PARD3: variants seen among roughly 807,000 people sequenced by gnomAD.
The protein encoded by PARD3 is partitioning defective 3 homolog.
A neutral mutation model predicts 155.4 loss-of-function variants in PARD3; 75 were observed. That is an observed-to-expected ratio of 0.48 (90% CI 0.40 to 0.58). The LOEUF (loss-of-function observed/expected upper bound fraction) is 0.58, where lower values mean the gene tolerates loss of function less well. Among genes scored for constraint, PARD3 ranks in the 20% least tolerant of loss-of-function variants. The probability of loss-of-function intolerance (pLI) is 0.00; values close to 1 mark genes in which losing one functional copy is unlikely to be tolerated. For synonymous variants in PARD3, 576 were observed against 610.5 expected, an observed-to-expected ratio of 0.94 and a Z score of 0.83; for missense variants, 1,642 against 1,721.7, an observed-to-expected ratio of 0.95 and a Z score of 0.82.
At position 34,450,166 on chromosome 10, in the gene PARD3, TA is replaced by T. The variant is rs138785690; in HGVS notation, c.714+150del. 5.3e-3 allele frequency: 3,476 copies of T among 652,630 alleles called. 89 individuals are homozygous for T. In the African/African-American group the frequency reaches 0.058, roughly 11 times the overall value. 40.4% of individuals were successfully genotyped at this position (652,630 alleles called of 1,614,324 possible). ...AGAAATATCCTGCATTTATGTTAGA[TA>T]AACTCTGACATAGAGATTGGTACTT... On this transcript the variant is annotated intron_variant, in intron 5 of 24. Transcript: ENST00000374788.
chr10:34,813,617 A>G (rs1844494909), intron 1 of PARD3, among the ~76,000 whole-genome samples: 1 of 152,206 alleles, frequency 6.6e-6, no homozygotes, highest in East Asian at 1.9e-4. Context: ...TTAAAAGGCC[A>G]AATTTATGCT....
intron 2 of PARD3, among the ~76,000 whole-genome samples, chr10:34,526,797 G>A (rs118127887): frequency 5.3e-5 from 8 of 152,238 alleles, no homozygotes; most frequent in African/African-American, 4.8e-5. Flanking sequence ...AACTTGTACC[G>A]TTGAGCTCCC....
chr10:34,730,461 TA>T (rs915459539), intron 1 of PARD3, among the ~76,000 whole-genome samples: 8 of 152,094 alleles, frequency 5.3e-5, no homozygotes, highest in African/African-American at 1.9e-4. Context: ...AATCAATTTT[TA>T]AAAAAACAAG....
intron 2 of PARD3, among the ~76,000 whole-genome samples, chr10:34,530,941 G>C (rs190604680): frequency 6.6e-6 from 1 of 152,210 alleles, no homozygotes; most frequent in African/African-American, 2.4e-5. Context: ...TTTAAAAGGC[G>C]ACAGTCCCTT....
chr10:34,158,717 T>C (rs570681692), intron 22 of PARD3, among the ~76,000 whole-genome samples: 1 of 152,374 alleles, frequency 6.6e-6, no homozygotes, highest in Admixed American at 6.5e-5. Context: ...ATATCACTAG[T>C]TACTGTGGTT....
chr10:34,345,734 C>T (rs1029351300), intron 15 of PARD3: 3 of 985,246 alleles, frequency 3.0e-6, no homozygotes, highest in East Asian at 2.3e-4. Flanking sequence ...TTTTTTTGCC[C>T]CATACCTCTC....
Position 34,446,772 on chromosome 10 carries a change from G to A in PARD3, c.714+3545C>T, listed in dbSNP as rs545968285. ...ATTAGGACATTTCCTGTGCCATCAC[G>A]GTGTGCAAGGCAAGCTGTCCCTTTT... On this transcript the variant is annotated intron_variant, in intron 5 of 24. Coordinates refer to ENST00000374788, the MANE Select transcript of PARD3 (RefSeq NM_001184785.2). Among the ~76,000 whole-genome samples the A allele has an allele frequency of 1.1e-4, 16 of 152,096 alleles. No individual in the cohort carries two copies. In the South Asian group the frequency reaches 2.1e-3, roughly 20 times the overall value.
chr10:34,544,753 G>A (rs1037314390), intron 2 of PARD3, among the ~76,000 whole-genome samples: 2 of 152,174 alleles, frequency 1.3e-5, no homozygotes, highest in South Asian at 2.1e-4. Flanking sequence ...AAAAACTACA[G>A]TATCTATGAA....
chr10:34,208,807 T>C (rs1056164181), intron 22 of PARD3, among the ~76,000 whole-genome samples: 1 of 152,164 alleles, frequency 6.6e-6, no homozygotes, highest in Non-Finnish European at 1.5e-5. Context: ...GCATTCTGAG[T>C]TCCTTTCAGA....
chr10:34,487,308 T>G (rs941132923), intron 3 of PARD3, among the ~76,000 whole-genome samples: 1 of 152,178 alleles, frequency 6.6e-6, no homozygotes, highest in Non-Finnish European at 1.5e-5. Context: ...TACTTTCTCA[T>G]CTGTCTGCCT....
rs149090718 is a variant in PARD3 at position 34,319,324 on chromosome 10, T to C, written c.2834-1986A>G. On this transcript the variant is annotated intron_variant, in intron 19 of 24. Transcript: ENST00000374788. ...GGATGGTCTCGATCTCTTGACCTCA[T>C]GATCCACCAGCCTCTCCTCCCAAAG... Among the ~76,000 whole-genome samples the C allele has an allele frequency of 4.7e-4, 71 of 151,480 alleles. 1 individual carries two copies. The East Asian group carries it at 0.013, about 28-fold the overall frequency.
At chr10:34,708,941 C>T (rs1314480774) in intron 1 of PARD3, among the ~76,000 whole-genome samples, 1 of 152,074 alleles carries the variant, frequency 6.6e-6, no homozygotes, top group African/African-American at 2.4e-5. Flanking sequence ...AGGAAACACC[C>T]TTATTCTAAG....
chr10:34,377,963 T>C lies in PARD3; in HGVS notation c.1539+4A>G. 1 of 1,533,616 alleles carries C rather than the reference T, an allele frequency of 6.5e-7. No homozygotes were observed. Among genetic ancestry groups the C allele is most frequent in the African/African-American group, 1.4e-5 (1 of 69,630 alleles). On this transcript the variant is annotated splice_donor_region_variant and intron_variant, in intron 10 of 24. Coordinates refer to ENST00000374788, the MANE Select transcript of PARD3 (RefSeq NM_001184785.2). ...GGGAACATCCTGCTGGGGAAGTCAC[T>C]TACCTCTATAAGTCTGTCTCCTGCC...
intron 12 of PARD3, among the ~76,000 whole-genome samples, chr10:34,368,369 A>C (rs747618445): frequency 3.3e-5 from 5 of 152,142 alleles, no homozygotes; most frequent in Admixed American, 2.6e-4. Context: ...GTCCGTATGG[A>C]CAGGCAAAGA....
At chr10:34,621,306 C>T (rs1254008252) in intron 2 of PARD3, among the ~76,000 whole-genome samples, 1 of 152,062 alleles carries the variant, frequency 6.6e-6, no homozygotes, top group African/African-American at 2.4e-5. Flanking sequence ...AAGTGGCTCT[C>T]GTGTTTCAGC....
chr10:34,181,181 A>G (rs184457131), intron 22 of PARD3, among the ~76,000 whole-genome samples: 1 of 152,258 alleles, frequency 6.6e-6, no homozygotes, highest in South Asian at 2.1e-4. Flanking sequence ...TCTTTTAAGG[A>G]GAATATTCTG....
intron 3 of PARD3, among the ~76,000 whole-genome samples, chr10:34,502,270 G>A (rs2080767243): frequency 6.6e-6 from 1 of 152,152 alleles, no homozygotes; most frequent in African/African-American, 2.4e-5. Flanking sequence ...AGGTCAGAAC[G>A]GAAGAGTCAG....
chr10:34,636,038 A>T (rs4934642), intron 2 of PARD3, among the ~76,000 whole-genome samples: 2 of 150,900 alleles, frequency 1.3e-5, no homozygotes, highest in Admixed American at 6.6e-5. Flanking sequence ...AAGAAGAAGA[A>T]GAAAGAAAGA....
At chr10:34,537,934 C>A (rs1244882630) in intron 2 of PARD3, among the ~76,000 whole-genome samples, 1 of 152,198 alleles carries the variant, frequency 6.6e-6, no homozygotes, top group Non-Finnish European at 1.5e-5. Context: ...ATTGCTGCCA[C>A]CTAAAAACTG....
Sources: allele counts gnomAD v4.1 joint callset (sites outside exome capture counted in the v4.1 genomes callset), GRCh38; gene constraint gnomAD v4.1.1; transcripts MANE v1.5; gene names NCBI Gene and HGNC (gene_info 2026-07-23, HGNC 2026-07-21).